The following RBPJ variants were observed in gnomAD, a reference collection of about 807,000 sequenced individuals.
The protein encoded by RBPJ is recombination signal binding protein for immunoglobulin kappa J region, also known as recombining binding protein suppressor of hairless.
RBPJ carries 9 observed loss-of-function variants against 67.8 expected under a neutral mutation model. The ratio of observed to expected loss-of-function variants is 0.13; its 90% confidence interval spans 0.08 to 0.23. The LOEUF (loss-of-function observed/expected upper bound fraction) is 0.23. Ranked by LOEUF, RBPJ falls within the 10% of genes least tolerant of loss-of-function variation. RBPJ has a pLI of 1.00. For synonymous variants in RBPJ, 198 were observed against 203.3 expected, an observed-to-expected ratio of 0.97 and a Z score of 0.22; for missense variants, 305 against 595.6, an observed-to-expected ratio of 0.51 and a Z score of 5.08.
chr4:26,434,079 G>A lies in RBPJ; in HGVS notation c.*3072G>A, dbSNP rs1195208665. ...CATAGATTGGGAAGGCAAGCTAAAA[G>A]CCTTAAAAATGCCCTTTATATTTTG... On this transcript the variant is annotated 3_prime_UTR_variant, in exon 11 of 11. Coordinates refer to ENST00000355476, the MANE Select transcript of RBPJ (RefSeq NM_015874.6). 3 of 152,126 alleles carry A rather than the reference G, an allele frequency of 2.0e-5. No homozygotes were observed. Among genetic ancestry groups the A allele is most frequent in the Non-Finnish European group, 4.4e-5 (3 of 68,028 alleles). 9.4% of individuals were successfully genotyped at this position (152,126 alleles called of 1,614,324 possible). A position where few individuals can be genotyped will look rare whatever the true frequency, so the allele number is the denominator to read the frequency against.
chr4:26,328,837 A>G (rs1295025319), intron 1 of RBPJ, among the ~76,000 whole-genome samples: 1 of 152,088 alleles, frequency 6.6e-6, no homozygotes, highest in African/African-American at 2.4e-5. Flanking sequence ...TTTTTTGTAC[A>G]GACAGCCTTG....
chr4:26,342,838 C>G (rs1725688102), intron 1 of RBPJ, among the ~76,000 whole-genome samples: 1 of 152,154 alleles, frequency 6.6e-6, no homozygotes, highest in African/African-American at 2.4e-5. Flanking sequence ...TGCTAGGGAG[C>G]TTAGGAAAAT....
At chr4:26,315,046 G>A (rs2109309902), upstream of RBPJ, among the ~76,000 whole-genome samples, 1 of 149,584 alleles carries the variant, frequency 6.7e-6, no homozygotes, top group East Asian at 2.0e-4. Flanking sequence ...TCAGGAGGCT[G>A]AGGCAGGAGA....
chr4:26,238,493 G>T (rs1466159807), intron 1 of RBPJ, among the ~76,000 whole-genome samples: 1 of 152,182 alleles, frequency 6.6e-6, no homozygotes, highest in African/African-American at 2.4e-5. Context: ...TAGTAAACAT[G>T]CTTGGCACAC....
intron 1 of RBPJ, among the ~76,000 whole-genome samples, chr4:26,381,024 G>GT (rs372548443): frequency 0.04 from 5,131 of 126,878 alleles, 221 homozygotes; most frequent in African/African-American, 0.11. Context: ...TTGCTTTTTG[G>GT]TTTTTTTTTT....
intron 2 of RBPJ, among the ~76,000 whole-genome samples, chr4:26,402,993 G>A (rs531246160): frequency 4.6e-5 from 7 of 152,252 alleles, no homozygotes; most frequent in African/African-American, 1.4e-4. Context: ...ACTATCTTCT[G>A]TTACCGTCTT....
In RBPJ at chr4:26,362,561, G is replaced by A. The variant is rs772600603; in HGVS notation, c.21-23792G>A. ...TACACTGGCTGAGGTGTTTTGAGGTGCATCGAAGTGTTCCAAGCTGTGACT... is the reference window on the plus strand; with the variant it reads ...TACACTGGCTGAGGTGTTTTGAGGTACATCGAAGTGTTCCAAGCTGTGACT... On this transcript the variant is annotated intron_variant, in intron 1 of 10. Coordinates refer to ENST00000355476, the MANE Select transcript of RBPJ (RefSeq NM_015874.6). 38 of 1,611,404 alleles carry A rather than the reference G, an allele frequency of 2.4e-5. No individual in the cohort carries two copies. In the Middle Eastern group the frequency reaches 5.2e-4, roughly 22 times the overall value.
At chr4:26,267,799 G>C (rs925172469) in intron 1 of RBPJ, among the ~76,000 whole-genome samples, 2 of 151,756 alleles carry the variant, frequency 1.3e-5, no homozygotes, top group African/African-American at 4.8e-5. Context: ...GTAGAGATGG[G>C]GTTTCACCAT....
At chr4:26,353,083 A>G (rs142551205) in intron 1 of RBPJ, among the ~76,000 whole-genome samples, 15 of 152,356 alleles carry the variant, frequency 9.8e-5, no homozygotes, top group Middle Eastern at 3.4e-3. Flanking sequence ...ATCAGCTACT[A>G]CTTGCAACAA....
chr4:26,348,049 C>T (rs1341688774), intron 1 of RBPJ, among the ~76,000 whole-genome samples: 3 of 151,740 alleles, frequency 2.0e-5, no homozygotes, highest in Admixed American at 2.0e-4. Flanking sequence ...GCAACCCCTG[C>T]CTCCCAGGTT....
chr4:26,421,036 A>G (rs1299178707), intron 5 of RBPJ, among the ~76,000 whole-genome samples: 1 of 152,168 alleles, frequency 6.6e-6, no homozygotes, highest in Non-Finnish European at 1.5e-5. Flanking sequence ...GTGGTGCTGA[A>G]TTGAATGTCC....
chr4:26,147,967 C>T, the RBPJ span, among the ~76,000 whole-genome samples: 1 of 152,182 alleles, frequency 6.6e-6, no homozygotes, highest in Admixed American at 6.5e-5. Context: ...ACATTTCAGG[C>T]CCCACCTTGA....
chr4:26,397,508 TTTTAAAA>T (rs1341948188), intron 2 of RBPJ, among the ~76,000 whole-genome samples: 1 of 152,334 alleles, frequency 6.6e-6, no homozygotes, highest in Non-Finnish European at 1.5e-5. Flanking sequence ...CCTTAAAAAC[TTTTAAAA>T]ATTGTCTGCA....
At chr4:26,270,703 G>C (rs1450113959) in intron 1 of RBPJ, among the ~76,000 whole-genome samples, 1 of 152,028 alleles carries the variant, frequency 6.6e-6, no homozygotes, top group South Asian at 2.1e-4. Context: ...AGTTAGCATG[G>C]AGGGTTTTTT....
intron 1 of RBPJ, among the ~76,000 whole-genome samples, chr4:26,251,847 C>CAAAAA (rs769291407): frequency 2.8e-3 from 139 of 49,100 alleles, no homozygotes; most frequent in Admixed American, 3.2e-3. Flanking sequence ...GACTCCGTCT[C>CAAAAA]AAAAAAAAAA....
upstream of RBPJ, chr4:26,320,593 G>C: frequency 1.3e-6 from 1 of 765,982 alleles, no homozygotes; most frequent in Non-Finnish European, 2.1e-6. Context: ...ATCTAGGCCT[G>C]TGAAACGCAG....
intron 1 of RBPJ, among the ~76,000 whole-genome samples, chr4:26,250,031 C>G (rs894744322): frequency 1.3e-5 from 2 of 151,932 alleles, no homozygotes; most frequent in African/African-American, 4.8e-5. Flanking sequence ...GGTGGTCCCC[C>G]CGCCACGGCC....
rs1301904431 is a variant in RBPJ at position 26,173,692 on chromosome 4, C to T, written c.-167+10078C>T. ...GCTGGAAACATAACGCTTCCACTCCCATTTGTAATGCATTTCTTTGGGGAA... is the reference window on the plus strand; with the variant it reads ...GCTGGAAACATAACGCTTCCACTCCTATTTGTAATGCATTTCTTTGGGGAA... On this transcript the variant is annotated intron_variant, in intron 1 of 4. Transcript: ENST00000512351. Among the ~76,000 whole-genome samples, 6 of 152,310 alleles carry T rather than the reference C, an allele frequency of 3.9e-5. No individual in the cohort carries two copies. In the East Asian group the frequency reaches 1.2e-3, roughly 29 times the overall value.
chr4:26,348,016 C>G (rs1446802591), intron 1 of RBPJ, among the ~76,000 whole-genome samples: 2 of 149,144 alleles, frequency 1.3e-5, no homozygotes, highest in Non-Finnish European at 3.0e-5. Flanking sequence ...GGCTGGAGTA[C>G]AATGGCACCA....
Sources: gnomAD v4.1 joint callset for allele counts (sites outside exome capture counted in the v4.1 genomes callset) on GRCh38, gnomAD v4.1.1 for gene constraint, MANE v1.5 for transcripts, NCBI Gene and HGNC (gene_info 2026-07-23, HGNC 2026-07-21) for gene names.